PTPN3: variants seen among roughly 807,000 people sequenced by gnomAD.
The protein encoded by PTPN3 is protein tyrosine phosphatase non-receptor type 3, also known as tyrosine-protein phosphatase non-receptor type 3.
In PTPN3, 96 loss-of-function variants were observed where a neutral mutation model predicts 132.7. The ratio of observed to expected loss-of-function variants is 0.72; its 90% CI spans 0.61 to 0.86. PTPN3 has a LOEUF of 0.86. Ranked by LOEUF, PTPN3 falls within the 40% of genes least tolerant of loss-of-function variation. The pLI is 0.00. For missense variants in PTPN3, 1,125 were observed against 1,159.6 expected (o/e 0.97, Z 0.43); for synonymous variants, 398 against 429.0 (o/e 0.93, Z 0.89).
intron 19 of PTPN3, among the ~76,000 whole-genome samples, chr9:109,399,254 G>A (rs1003175711): frequency 6.6e-5 from 10 of 152,266 alleles, no homozygotes; most frequent in African/African-American, 9.6e-5. Context: ...CTCAACCTCC[G>A]AGGCTAGAGC....
intron 12 of PTPN3, among the ~76,000 whole-genome samples, chr9:109,424,272 T>A (rs1843089581): frequency 6.6e-6 from 1 of 152,304 alleles, no homozygotes; most frequent in Middle Eastern, 3.4e-3. Flanking sequence ...GCTGGGCAAG[T>A]CATGTGACCC....
intron 1 of PTPN3, among the ~76,000 whole-genome samples, chr9:109,468,197 C>T (rs113375810): frequency 6.6e-6 from 1 of 152,212 alleles, no homozygotes; most frequent in African/African-American, 2.4e-5. Flanking sequence ...ACAACCCAAC[C>T]AGGAACATGC....
the PTPN3 span, among the ~76,000 whole-genome samples, chr9:109,510,238 C>T: frequency 1.3e-5 from 2 of 152,100 alleles, no homozygotes; most frequent in African/African-American, 4.8e-5. Context: ...AGAAATGAGT[C>T]ATTATAGCAC....
At chr9:109,481,259 AG>A (rs1033475444) in intron 1 of PTPN3, among the ~76,000 whole-genome samples, 1 of 152,162 alleles carries the variant, frequency 6.6e-6, no homozygotes, top group African/African-American at 2.4e-5. Context: ...CCAAAGCCAG[AG>A]CCCACCGAAC....
chr9:109,500,515 CA>C (rs373955429), upstream of PTPN3, among the ~76,000 whole-genome samples: 42 of 151,242 alleles, frequency 2.8e-4, no homozygotes, highest in African/African-American at 9.7e-4. Flanking sequence ...TACTCAATAA[CA>C]GAGGGATGAT....
At chr9:109,460,419 T>C (rs1845787829) in intron 2 of PTPN3, among the ~76,000 whole-genome samples, 1 of 152,130 alleles carries the variant, frequency 6.6e-6, no homozygotes. Flanking sequence ...GCCCCAGTGC[T>C]TTCCACCTCA....
At position 109,445,271 on chromosome 9, in the gene PTPN3, T is replaced by C. The variant is rs1844772875; in HGVS notation, c.435A>G (p.Ser145=). 1 of 1,613,876 alleles carries C rather than the reference T, an allele frequency of 6.2e-7. No homozygotes were observed. Among genetic ancestry groups the C allele is most frequent in the South Asian group, 1.1e-5 (1 of 91,066 alleles). The part of the protein sequence containing the change: ...CEGRLTCPLN[S]AVVLASYAVQ... Reference sequence around the variant, plus strand: ...CGGCATAGGACGCTAGAACCACTGCTGAGTTAAGAGGGCAGGTTAACCTGT... The same window carrying C: ...CGGCATAGGACGCTAGAACCACTGCCGAGTTAAGAGGGCAGGTTAACCTGT... The change falls in exon 7 of 26, where the codon TCA becomes TCG. Residue 145 remains serine (S), a synonymous_variant. Transcript: ENST00000374541.
intron 1 of PTPN3, among the ~76,000 whole-genome samples, chr9:109,483,164 C>T (rs896709338): frequency 6.6e-6 from 1 of 152,238 alleles, no homozygotes; most frequent in Non-Finnish European, 1.5e-5. Flanking sequence ...CCCTCCACAC[C>T]TTCAGAGAAC....
intron 1 of PTPN3, among the ~76,000 whole-genome samples, chr9:109,479,609 C>T (rs1846861181): frequency 6.6e-6 from 1 of 152,220 alleles, no homozygotes; most frequent in East Asian, 1.9e-4. Flanking sequence ...CACAGTCTTC[C>T]TCTGTTGCCC....
the PTPN3 span, among the ~76,000 whole-genome samples, chr9:109,504,465 GAACCAA>G: frequency 2.0e-5 from 3 of 152,190 alleles, no homozygotes; most frequent in Non-Finnish European, 4.4e-5. Context: ...TCAAATAAGG[GAACCAA>G]AATTATATAG....
At chr9:109,406,310 G>A in intron 18 of PTPN3, 152 bp downstream of exon 18, 1 of 1,083,234 alleles carries the variant, frequency 9.2e-7, no homozygotes. Context: ...TTTTTCAAGT[G>A]AGAAGCCAAA....
At chr9:109,456,801 G>A (rs925197995) in intron 4 of PTPN3, among the ~76,000 whole-genome samples, 1 of 151,554 alleles carries the variant, frequency 6.6e-6, no homozygotes, top group African/African-American at 2.4e-5. Flanking sequence ...CTATGCTGTT[G>A]GAAAGTATGA....
At chr9:109,428,244 C>T (rs1390470856) in intron 11 of PTPN3, among the ~76,000 whole-genome samples, 1 of 152,160 alleles carries the variant, frequency 6.6e-6, no homozygotes, top group Admixed American at 6.5e-5. Context: ...GTTAAGTAAC[C>T]TGGCTAGCTG....
intron 1 of PTPN3, among the ~76,000 whole-genome samples, chr9:109,466,158 C>A (rs552552820): frequency 6.6e-6 from 1 of 152,264 alleles, no homozygotes; most frequent in East Asian, 1.9e-4. Context: ...GCTCATTGTA[C>A]CTCCAAACCT....
At chr9:109,405,168 C>T (rs1472184679) in intron 18 of PTPN3, among the ~76,000 whole-genome samples, 4 of 152,162 alleles carry the variant, frequency 2.6e-5, no homozygotes, top group Admixed American at 2.0e-4. Context: ...CTTTAGTGCA[C>T]GTTTTCCCTT....
chr9:109,444,201 C>A (rs1030006150), intron 7 of PTPN3, among the ~76,000 whole-genome samples: 12 of 152,284 alleles, frequency 7.9e-5, no homozygotes, highest in African/African-American at 2.6e-4. Context: ...TTTCTTAGGT[C>A]TGGAGCTGCA....
chr9:109,530,891 CT>C, the PTPN3 span, among the ~76,000 whole-genome samples: 1 of 152,040 alleles, frequency 6.6e-6, no homozygotes, highest in Non-Finnish European at 1.5e-5. Flanking sequence ...TATTCTAGTA[CT>C]TTGCCTATTT....
chr9:109,441,305 G>C (rs1844449400), intron 7 of PTPN3, among the ~76,000 whole-genome samples: 1 of 152,210 alleles, frequency 6.6e-6, no homozygotes, highest in Non-Finnish European at 1.5e-5. Flanking sequence ...TTGCAGCAAA[G>C]AGAGGGTATA....
At chr9:109,467,695 C>T (rs1033081621) in intron 1 of PTPN3, among the ~76,000 whole-genome samples, 2 of 152,210 alleles carry the variant, frequency 1.3e-5, no homozygotes, top group African/African-American at 2.4e-5. Context: ...TGGGCTGATG[C>T]TCCAATGGTG....
Sources: allele counts gnomAD v4.1 joint callset (sites outside exome capture counted in the v4.1 genomes callset), GRCh38; gene constraint gnomAD v4.1.1; transcripts MANE v1.5; gene names NCBI Gene and HGNC (gene_info 2026-07-23, HGNC 2026-07-21).